The following BDP1 variants were observed in gnomAD, a reference collection of about 807,000 sequenced individuals.
The protein encoded by BDP1 is transcription factor TFIIIB component B'' homolog.
In BDP1, 169 loss-of-function variants were observed where a neutral mutation model predicts 266.6. That is an observed-to-expected ratio of 0.63 (90% confidence interval 0.56 to 0.72). The LOEUF is 0.72. Ranked by LOEUF, BDP1 falls within the 30% of genes least tolerant of loss-of-function variation. BDP1 has a pLI of 0.00. For missense variants in BDP1, 3,015 were observed against 3,053.8 expected, an observed-to-expected ratio of 0.99 and a Z score of 0.30; for synonymous variants, 1,090 against 1,022.4, an observed-to-expected ratio of 1.07 and a Z score of -1.26.
intron 21 of BDP1, among the ~76,000 whole-genome samples, 180 bp downstream of exon 21, chr5:71,516,451 T>C (rs1244236289): frequency 6.6e-6 from 1 of 152,232 alleles, no homozygotes; most frequent in East Asian, 1.9e-4. Context: ...ATAGATTTAT[T>C]TCTTTTCTAA....
At position 71,497,197 on chromosome 5, in the gene BDP1, A is replaced by C. The variant is rs185696984; in HGVS notation, c.1800-73A>C. ...CTTAAAGGAGTTCTTCCTAATTCTC[A>C]GTAGGTTATTTTAGAAGTTCATTTG... On this transcript the variant is annotated intron_variant, in intron 12 of 38. Coordinates refer to ENST00000358731, the MANE Select transcript of BDP1 (RefSeq NM_018429.3). 11,148 of 1,371,048 alleles carry C rather than the reference A, an allele frequency of 8.1e-3. 102 individuals carry two copies. Among genetic ancestry groups the C allele is most frequent in the Middle Eastern group, 0.038 (206 of 5,398 alleles). The allele number at this position is 1,371,048 out of a possible 1,614,324, so 84.9% of individuals were successfully genotyped here.
intron 30 of BDP1, among the ~76,000 whole-genome samples, chr5:71,543,431 T>A (rs762639657): frequency 5.9e-5 from 9 of 152,142 alleles, no homozygotes; most frequent in Non-Finnish European, 1.3e-4. Flanking sequence ...ACCTTGTCTC[T>A]ACAAAATAAT....
chr5:71,493,451 A>G (rs886459588), intron 11 of BDP1, among the ~76,000 whole-genome samples: 6 of 151,924 alleles, frequency 3.9e-5, no homozygotes, highest in Non-Finnish European at 5.9e-5. Flanking sequence ...TTTAGTAGAG[A>G]TGTTTTCCAG....
chr5:71,505,134 G>C (rs1468096786), intron 16 of BDP1, among the ~76,000 whole-genome samples: 1 of 152,076 alleles, frequency 6.6e-6, no homozygotes, highest in Non-Finnish European at 1.5e-5. Flanking sequence ...AGCCTCCCGA[G>C]TAGCTGGGAT....
intron 25 of BDP1, among the ~76,000 whole-genome samples, chr5:71,525,452 C>T (rs1320559632): frequency 2.3e-5 from 3 of 129,220 alleles, no homozygotes; most frequent in Non-Finnish European, 1.7e-5. Flanking sequence ...TGACACCCCC[C>T]ACCTCCCTCC....
intron 34 of BDP1, among the ~76,000 whole-genome samples, chr5:71,551,266 G>A (rs1257811185): frequency 3.9e-5 from 6 of 152,292 alleles, no homozygotes; most frequent in East Asian, 3.9e-4. Flanking sequence ...GCGGCCTTCC[G>A]CTGTTTTTGT....
chr5:71,514,260 C>G (rs747373060), intron 19 of BDP1, among the ~76,000 whole-genome samples: 2 of 152,122 alleles, frequency 1.3e-5, no homozygotes, highest in Non-Finnish European at 2.9e-5. Context: ...TAAAATAGCT[C>G]AGTACTTTAC....
chr5:71,521,187 CA>C (rs113805483), intron 22 of BDP1, among the ~76,000 whole-genome samples: 2,154 of 68,556 alleles, frequency 0.031, 42 homozygotes, highest in African/African-American at 0.086. Flanking sequence ...AACTCCGTCT[CA>C]AAAAAAAAAA....
chr5:71,558,828 A>G (rs1474237745), intron 36 of BDP1, among the ~76,000 whole-genome samples: 1 of 118,364 alleles, frequency 8.4e-6, no homozygotes, highest in African/African-American at 3.0e-5. Context: ...CTCTGTCTCA[A>G]AAACAAAAAA....
At chr5:71,467,255 A>T in intron 5 of BDP1, 99 bp from the exon 6 acceptor site, 2 of 965,916 alleles carry the variant, frequency 2.1e-6, no homozygotes, top group Non-Finnish European at 3.1e-6. Context: ...CTTTGATATG[A>T]TTGCCATGCT....
intron 12 of BDP1, 21 bp from the exon 13 acceptor site, chr5:71,497,249 T>G: frequency 6.2e-7 from 1 of 1,607,792 alleles, no homozygotes; most frequent in Non-Finnish European, 8.5e-7. Flanking sequence ...TGATGCTATT[T>G]AAATAATGTT....
intron 25 of BDP1, among the ~76,000 whole-genome samples, chr5:71,524,610 T>A (rs905735417): frequency 2.7e-5 from 4 of 147,670 alleles, no homozygotes; most frequent in Non-Finnish European, 4.5e-5. Context: ...TCTTTTTTTT[T>A]ATTTTTTATT....
chr5:71,522,660 A>G, intron 23 of BDP1, 96 bp from the exon 24 acceptor site: 10 of 1,246,134 alleles, frequency 8.0e-6, no homozygotes, highest in Non-Finnish European at 1.1e-5. Flanking sequence ...GCTTGTAGAT[A>G]TGTGTAAACT....
At position 71,544,405 on chromosome 5, in the gene BDP1, T is replaced by C. The variant is rs777804413; in HGVS notation, c.6461T>C (p.Leu2154Pro). 1.9e-6 allele frequency: 3 copies of C among 1,613,738 alleles called. No homozygotes were observed. The highest frequency in any genetic ancestry group is 2.5e-6 in the Non-Finnish European group (3 of 1,179,876). ...SKATELENKN[L>P]GPVTTAENKD... Reference sequence around the variant, plus strand: ...GCAACAGAATTGGAAAATAAAAACCTCGGACCAGTTACAACAGCAGAGAAT... The same window carrying C: ...GCAACAGAATTGGAAAATAAAAACCCCGGACCAGTTACAACAGCAGAGAAT... The change falls in exon 31 of 39, where the codon CTC (leucine) becomes CCC (proline). Residue 2154 changes from leucine to proline, a missense_variant. Leu to Pro is a moderately conservative substitution (Grantham distance 98). This residue lies in a region of BDP1 where 629 missense variants were observed against 632.5 expected (regional missense o/e 0.99). Coordinates refer to ENST00000358731, the MANE Select transcript of BDP1 (RefSeq NM_018429.3).
the BDP1 span, among the ~76,000 whole-genome samples, chr5:71,575,386 C>T: frequency 3.3e-5 from 5 of 152,280 alleles, no homozygotes; most frequent in Admixed American, 6.5e-5. Flanking sequence ...GATCAATGGC[C>T]GCTATCTTGG....
Position 71,483,280 on chromosome 5 carries a change from G to A in BDP1, c.1015-562G>A, listed in dbSNP as rs796095216. Among the ~76,000 whole-genome samples, 69 of 152,250 alleles carry A rather than the reference G, an allele frequency of 4.5e-4. 1 individual carries two copies. The highest frequency in any genetic ancestry group is 1.6e-3 in the African/African-American group (68 of 41,552). On this transcript the variant is annotated intron_variant, in intron 7 of 38. Coordinates refer to ENST00000358731, the MANE Select transcript of BDP1 (RefSeq NM_018429.3). ...TCCTAATGACTTTAGGATGGATTGA[G>A]CCTTAAGCCTTAAACATCTCCCTCT... is the stretch of plus-strand genomic sequence containing the variant.
At chr5:71,483,304 C>T (rs1294958530) in intron 7 of BDP1, among the ~76,000 whole-genome samples, 1 of 152,128 alleles carries the variant, frequency 6.6e-6, no homozygotes, top group Non-Finnish European at 1.5e-5. Context: ...ACATCTCCCT[C>T]TTAATGGAAG....
intron 38 of BDP1, among the ~76,000 whole-genome samples, chr5:71,563,443 G>A (rs992840384): frequency 1.3e-5 from 2 of 151,976 alleles, no homozygotes; most frequent in Admixed American, 6.6e-5. Context: ...GGCCTGTAGT[G>A]TTCTTATTAT....
intron 37 of BDP1, among the ~76,000 whole-genome samples, chr5:71,561,092 G>A (rs764604475): frequency 1.8e-4 from 26 of 145,464 alleles, no homozygotes; most frequent in Non-Finnish European, 3.3e-4. Flanking sequence ...AACATAGCCA[G>A]ACCCGTCTCT....
Sources: gnomAD v4.1 joint callset for allele counts (sites outside exome capture counted in the v4.1 genomes callset) on GRCh38, gnomAD v4.1.1 for gene constraint, gnomAD v4.1.1 regional missense constraint, MANE v1.5 for transcripts, NCBI Gene and HGNC (gene_info 2026-07-23, HGNC 2026-07-21) for gene names.